The following RP1L1 variants were observed in gnomAD, a reference collection of about 807,000 sequenced individuals.
RP1L1 encodes the protein retinitis pigmentosa 1-like 1 protein.
Under a neutral mutation model 15.7 loss-of-function variants are expected in RP1L1, and 27 were observed. The ratio of observed to expected loss-of-function variants is 1.72; its 90% CI spans 1.27 to 2.38. The LOEUF (loss-of-function observed/expected upper bound fraction) is 2.38. Among genes scored for constraint, RP1L1 ranks in the 30% most tolerant of loss-of-function variants. The probability of loss-of-function intolerance (pLI) is 0.00; values close to 1 mark genes in which losing one functional copy is unlikely to be tolerated. For missense variants in RP1L1, 4,798 were observed against 3,075.9 expected (o/e 1.56, Z -13.24); for synonymous variants, 1,813 against 1,276.7 (o/e 1.42, Z -8.96).
chr8:10,607,933 T>C lies in RP1L1; in HGVS notation c.6165A>G (p.Val2055=). The part of the protein sequence containing the change: ...EGDAQPESDG[V]EAPEAEEEAQ... Reference sequence around the variant, plus strand: ...CCTCCTCTTCTGCCTCCGGGGCCTCTACACCGTCTGACTCTGGCTGGGCAT... The same window carrying C: ...CCTCCTCTTCTGCCTCCGGGGCCTCCACACCGTCTGACTCTGGCTGGGCAT... Residue 2055 remains valine, a synonymous_variant, in exon 4 of 4, where the codon GTA becomes GTG. Transcript: ENST00000382483. 1 of 1,611,416 alleles carries C rather than the reference T, an allele frequency of 6.2e-7. No homozygotes were observed. Among genetic ancestry groups the C allele is most frequent in the Non-Finnish European group, 8.5e-7 (1 of 1,179,218 alleles).
At chr8:10,635,048 C>A (rs112874957) in intron 1 of RP1L1, among the ~76,000 whole-genome samples, 1 of 152,182 alleles carries the variant, frequency 6.6e-6, no homozygotes, top group Non-Finnish European at 1.5e-5. Context: ...TGAGCTTTGC[C>A]GCATTAACAT....
intron 2 of RP1L1, chr8:10,621,879 A>G: frequency 2.3e-6 from 1 of 425,864 alleles, no homozygotes; most frequent in South Asian, 1.7e-5. Flanking sequence ...ATTCCTGCAG[A>G]CCCAGCTTCC....
chr8:10,622,335 CA>C lies in RP1L1; in HGVS notation c.609+257del, dbSNP rs34315849. Among the ~76,000 whole-genome samples the C allele has an allele frequency of 9.5e-3, 973 of 102,208 alleles. 6 individuals carry two copies. Among genetic ancestry groups the C allele is most frequent in the Admixed American group, 0.012 (121 of 9,914 alleles). 67.1% of individuals were successfully genotyped at this position (102,208 alleles called of 152,430 possible). On this transcript the variant is annotated intron_variant, in intron 2 of 3. Transcript: ENST00000382483. The stretch of plus-strand genomic sequence containing the variant: ...AACTCCATCTCGAAAAAAACAAAGC[CA>C]AAAAAAAAAAAAAAAAGAGTACACA...
rs749247094 is a variant in RP1L1 at position 10,622,998 on chromosome 8, G to C, written c.204C>G (p.Leu68=). 40 of 1,614,068 alleles carry C rather than the reference G, an allele frequency of 2.5e-5. No homozygotes were observed. Among genetic ancestry groups the C allele is most frequent in the Middle Eastern group, 3.3e-4 (2 of 6,084 alleles). ...CAAAGGAGAGAGGCACGCGCTGGGA[G>C]AGCTCGTCCATGAGGGCGCTGAAGG... The part of the protein sequence containing the change: ...FKTFSALMDE[L]SQRVPLSFGV... Residue 68 remains leucine, a synonymous_variant, in exon 2 of 4, where the codon CTC becomes CTG. Coordinates refer to ENST00000382483, the MANE Select transcript of RP1L1 (RefSeq NM_178857.6).
intron 1 of RP1L1, among the ~76,000 whole-genome samples, chr8:10,638,821 C>T (rs936782971): frequency 2.0e-5 from 3 of 152,082 alleles, no homozygotes; most frequent in African/African-American, 7.2e-5. Flanking sequence ...GGCAGTGGGA[C>T]CCACGTTCTT....
At chr8:10,646,005 G>A (rs934365749) in intron 1 of RP1L1, among the ~76,000 whole-genome samples, 1 of 152,140 alleles carries the variant, frequency 6.6e-6, no homozygotes, top group African/African-American at 2.4e-5. Context: ...CCCTCAGGAC[G>A]GGCAGACTGA....
chr8:10,614,373 G>C (rs1008799208), intron 3 of RP1L1, among the ~76,000 whole-genome samples: 11 of 152,144 alleles, frequency 7.2e-5, no homozygotes, highest in Admixed American at 7.2e-4. Context: ...CTCTAAGAAA[G>C]AATGAGCCAG....
intron 3 of RP1L1, among the ~76,000 whole-genome samples, chr8:10,616,091 T>C (rs754261478): frequency 9.2e-5 from 14 of 152,114 alleles, no homozygotes; most frequent in Non-Finnish European, 2.1e-4. Context: ...ATTTTTTTTT[T>C]AGAGACAGTG....
At chr8:10,646,858 G>A (rs1168008509) in intron 1 of RP1L1, among the ~76,000 whole-genome samples, 1 of 152,228 alleles carries the variant, frequency 6.6e-6, no homozygotes, top group Admixed American at 6.5e-5. Context: ...AAACAAAGAT[G>A]GGTATTAAAG....
intron 1 of RP1L1, among the ~76,000 whole-genome samples, chr8:10,647,228 T>C (rs563023837): frequency 6.9e-4 from 105 of 152,268 alleles, no homozygotes; most frequent in African/African-American, 2.2e-3. Context: ...CAAGTACAAA[T>C]CCTAACGAAT....
chr8:10,607,887 C>A lies in RP1L1; in HGVS notation c.6211G>T (p.Val2071Phe), dbSNP rs1236125594. 5 of 1,595,130 alleles carry A rather than the reference C, an allele frequency of 3.1e-6. No homozygotes were observed. The highest frequency in any genetic ancestry group is 4.3e-6 in the Non-Finnish European group (5 of 1,168,634). ...TGGGCCTCCCCTTCTGCCTCCTGGA[C>A]CTCCCCTTCAGCCTCCTGTGCCTCC... ...EEEAQEAEGEVQEAEGEAHPE... is the reference protein window; with the variant it reads ...EEEAQEAEGEFQEAEGEAHPE... The change falls in exon 4 of 4, where the codon GTC becomes TTC. Residue 2071 changes from valine to phenylalanine, a missense_variant. Transcript: ENST00000382483.
At position 10,608,868 on chromosome 8, in the gene RP1L1, C is replaced by A. The variant is rs1257867093; in HGVS notation, c.5230G>T (p.Glu1744Ter). The change falls in exon 4 of 4, where the codon GAG becomes TAG. Residue 1744 changes from glutamate to a stop codon, truncating the protein, a stop_gained. Transcript: ENST00000382483. LOFTEE classifies it low-confidence loss of function (END_TRUNC). ...LSQGPGVDEG[E>*]DGEGSQRLNR... ...AGTCTCTGGCTCCCCTCGCCATCCT[C>A]ACCCTCGTCCACTCCAGGCCCCTGG... 2 of 1,614,044 alleles carry A rather than the reference C, an allele frequency of 1.2e-6. No homozygotes were observed. The highest frequency in any genetic ancestry group is 1.3e-5 in the African/African-American group (1 of 75,050).
intron 1 of RP1L1, among the ~76,000 whole-genome samples, chr8:10,640,222 C>G (rs1298781960): frequency 3.3e-5 from 5 of 152,202 alleles, no homozygotes; most frequent in Non-Finnish European, 2.9e-5. Context: ...CAATGATGCT[C>G]TTCTGACAGT....
rs775018005 is a variant in RP1L1, at chr8:10,610,469, G to A, written c.3629C>T (p.Ser1210Leu). ...GGCACAGGGTACGCTACTCTCCCCT[G>A]AGCCTCCAGAGCCGCTGCTGATGTC... ...GVDISSGSGG[S>L]GESSVPCAMD... Residue 1210 changes from serine to leucine, a missense_variant, in exon 4 of 4, where the codon TCA (serine) becomes TTA (leucine). Ser to Leu is a moderately radical substitution (Grantham distance 145, BLOSUM62 -2). Transcript: ENST00000382483. 6 of 1,613,630 alleles carry A rather than the reference G, an allele frequency of 3.7e-6. No homozygotes were observed. Among genetic ancestry groups the A allele is most frequent in the African/African-American group, 2.7e-5 (2 of 74,912 alleles).
At chr8:10,616,062 G>A (rs772774975) in intron 3 of RP1L1, among the ~76,000 whole-genome samples, 1 of 151,986 alleles carries the variant, frequency 6.6e-6, no homozygotes, top group Non-Finnish European at 1.5e-5. Context: ...GTGCCATTAT[G>A]CCTGGCATAT....
At position 10,622,581 on chromosome 8, in the gene RP1L1, C is replaced by T. The variant is rs771591614; in HGVS notation, c.609+12G>A. 6.2e-7 allele frequency: 1 copy of T among 1,614,106 alleles called. No individual in the cohort carries two copies. Among genetic ancestry groups the T allele is most frequent in the East Asian group, 2.2e-5 (1 of 44,884 alleles). The stretch of plus-strand genomic sequence containing the variant: ...AACCTTTTCAAGGAACCGTCAGACC[C>T]CAACAGCCTACCTTTTTCCCGCTGG... On this transcript the variant is annotated intron_variant, in intron 2 of 3. Coordinates refer to ENST00000382483, the MANE Select transcript of RP1L1 (RefSeq NM_178857.6).
chr8:10,621,679 A>G, intron 2 of RP1L1: 1 of 484,946 alleles, frequency 2.1e-6, no homozygotes, highest in South Asian at 1.5e-5. Flanking sequence ...TTAAGGAGCA[A>G]CAGGACTGAA....
intron 1 of RP1L1, among the ~76,000 whole-genome samples, chr8:10,635,580 C>T (rs1189992537): frequency 6.6e-6 from 1 of 152,190 alleles, no homozygotes; most frequent in African/African-American, 2.4e-5. Context: ...TGTTGCTCTC[C>T]AGGGGACCGT....
chr8:10,628,532 CCTTGGTGATGAGAAAAAAACAAGGAGAGG>C (rs1798192422), intron 1 of RP1L1, among the ~76,000 whole-genome samples: 1 of 152,130 alleles, frequency 6.6e-6, no homozygotes, highest in Admixed American at 6.5e-5. Flanking sequence ...GTGATCCAAT[CCTTGGTGATGAGAAAAAAACAAGGAGAGG>C]AGAAACAACA....
Sources: gnomAD v4.1 joint callset for allele counts (sites outside exome capture counted in the v4.1 genomes callset) on GRCh38, gnomAD v4.1.1 for gene constraint, MANE v1.5 for transcripts, NCBI Gene and HGNC (gene_info 2026-07-23, HGNC 2026-07-21) for gene names.